The following EEPD1 variants were observed in gnomAD, a reference collection of about 807,000 sequenced individuals.
The protein encoded by EEPD1 is endonuclease/exonuclease/phosphatase family domain containing 1, also known as endonuclease/exonuclease/phosphatase family domain-containing protein 1.
EEPD1 carries 17 observed loss-of-function variants against 46.3 expected under a neutral mutation model. That is an observed-to-expected ratio of 0.37 (90% CI 0.25 to 0.55). EEPD1 has a LOEUF of 0.55. Ranked by LOEUF, EEPD1 falls within the 20% of genes least tolerant of loss-of-function variation. The pLI, the probability that EEPD1 is intolerant of heterozygous loss-of-function variation, is 0.83. For missense variants in EEPD1, 673 were observed against 745.6 expected, an observed-to-expected ratio of 0.90 and a Z score of 1.13; for synonymous variants, 313 against 315.6, an observed-to-expected ratio of 0.99 and a Z score of 0.09.
chr7:36,247,560 T>A (rs1786660517), intron 3 of EEPD1, among the ~76,000 whole-genome samples: 1 of 152,206 alleles, frequency 6.6e-6, no homozygotes, highest in South Asian at 2.1e-4. Flanking sequence ...AACTTCAGAA[T>A]CAAGGGAGAC....
intron 2 of EEPD1, among the ~76,000 whole-genome samples, chr7:36,203,467 A>T (rs1162392820): frequency 6.6e-6 from 1 of 152,204 alleles, no homozygotes; most frequent in East Asian, 1.9e-4. Context: ...CTTCCTCAGG[A>T]TTCCAGTGCA....
At chr7:36,253,725 G>A (rs1786782781) in intron 3 of EEPD1, among the ~76,000 whole-genome samples, 1 of 152,030 alleles carries the variant, frequency 6.6e-6, no homozygotes, top group Admixed American at 6.6e-5. Flanking sequence ...TTTTTTTAAA[G>A]TCTATTTTTC....
At chr7:36,252,670 A>G (rs1583467321) in intron 3 of EEPD1, among the ~76,000 whole-genome samples, 1 of 152,052 alleles carries the variant, frequency 6.6e-6, no homozygotes, top group African/African-American at 2.4e-5. Flanking sequence ...CAAAACAGGG[A>G]GAAATGGAGG....
intron 3 of EEPD1, among the ~76,000 whole-genome samples, chr7:36,247,518 T>TA (rs1368407948): frequency 1.3e-5 from 2 of 152,254 alleles, no homozygotes; most frequent in Non-Finnish European, 2.9e-5. Flanking sequence ...ATTATAAAGA[T>TA]ACATTTACAT....
chr7:36,212,835 CATT>C (rs1785959423), intron 2 of EEPD1, among the ~76,000 whole-genome samples: 1 of 152,114 alleles, frequency 6.6e-6, no homozygotes, highest in Non-Finnish European at 1.5e-5. Context: ...ATTTTATCAT[CATT>C]AACAAAAGTA....
At chr7:36,260,982 T>TCTTCC (rs1786913010) in intron 3 of EEPD1, among the ~76,000 whole-genome samples, 1 of 152,242 alleles carries the variant, frequency 6.6e-6, no homozygotes, top group African/African-American at 2.4e-5. Context: ...TGTGCATAGA[T>TCTTCC]TATAAACAAA....
chr7:36,154,798 C>T lies in EEPD1; in HGVS notation c.474C>T (p.Ala158=). ...TGCGAGGCCTCTCGGAGAAAATGGCCCTCAGCATCGTGGACTTCCGCCGTG... is the reference window on the plus strand; with the variant it reads ...TGCGAGGCCTCTCGGAGAAAATGGCTCTCAGCATCGTGGACTTCCGCCGTG... ...MSVRGLSEKM[A]LSIVDFRREH... is the part of the protein sequence containing the mutation. The change falls in exon 2 of 8, where the codon GCC becomes GCT. Residue 158 remains alanine, a synonymous_variant. Coordinates refer to ENST00000242108, the MANE Select transcript of EEPD1 (RefSeq NM_030636.3). The surrounding 1 kb of genome is among the most constrained non-coding windows in gnomAD (Gnocchi z 4.2). The T allele has an allele frequency of 6.2e-7, 1 of 1,614,160 alleles. No homozygotes were observed. Among genetic ancestry groups the T allele is most frequent in the Non-Finnish European group, 8.5e-7 (1 of 1,180,020 alleles).
At chr7:36,223,863 A>T (rs1006947031) in intron 2 of EEPD1, among the ~76,000 whole-genome samples, 3 of 152,218 alleles carry the variant, frequency 2.0e-5, no homozygotes, top group African/African-American at 7.2e-5. Flanking sequence ...CTGCAAGGAG[A>T]AACTTGCAGA....
intron 3 of EEPD1, among the ~76,000 whole-genome samples, chr7:36,246,776 G>A (rs1583831418): frequency 6.6e-6 from 1 of 152,264 alleles, no homozygotes; most frequent in East Asian, 1.9e-4. Flanking sequence ...ATGTCTTAGA[G>A]TGCTTTACAT....
Position 36,284,738 on chromosome 7 carries a change from G to A in EEPD1, c.1094G>A (p.Arg365Lys). Residue 365 changes from arginine (R) to lysine (K), a missense_variant, in exon 5 of 8, where the codon AGA (arginine) becomes AAA (lysine). By Grantham distance (26) the Arg-to-Lys change is conservative (BLOSUM62 2). Transcript: ENST00000242108. ...LWDAAAGMEL[R>K]DAGSQESSPS... is the part of the protein sequence containing the mutation. ...GACGCGGCTGCCGGCATGGAGCTGA[G>A]AGACGCGGGTTCACAGGAGAGCTCG... 6.2e-7 allele frequency: 1 copy of A among 1,610,216 alleles called. No individual in the cohort carries two copies. The highest frequency in any genetic ancestry group is 8.5e-7 in the Non-Finnish European group (1 of 1,178,140).
chr7:36,165,586 A>AATTAATTTATTTATTTATTTATTT (rs147653968), intron 2 of EEPD1, among the ~76,000 whole-genome samples: 1 of 134,630 alleles, frequency 7.4e-6, no homozygotes, highest in African/African-American at 2.8e-5. Flanking sequence ...CGCCCCAGCT[A>AATTAATTTATTTATTTATTTATTT]ATTTATTTAT....
At chr7:36,204,450 T>C (rs1785775752) in intron 2 of EEPD1, among the ~76,000 whole-genome samples, 1 of 151,538 alleles carries the variant, frequency 6.6e-6, no homozygotes, top group Non-Finnish European at 1.5e-5. Flanking sequence ...GGAGGGACTT[T>C]TGTGTAGGAC....
At chr7:36,205,541 A>G (rs976786452) in intron 2 of EEPD1, among the ~76,000 whole-genome samples, 1 of 152,126 alleles carries the variant, frequency 6.6e-6, no homozygotes, top group Non-Finnish European at 1.5e-5. Context: ...CAAAGGTTTC[A>G]TGTGTTCTTG....
intron 3 of EEPD1, among the ~76,000 whole-genome samples, chr7:36,247,683 C>T (rs1786661855): frequency 6.6e-6 from 1 of 152,174 alleles, no homozygotes; most frequent in South Asian, 2.1e-4. Context: ...AATCCAGGAC[C>T]CATCACAGCA....
chr7:36,237,260 ACACT>A (rs1284501151), intron 2 of EEPD1, among the ~76,000 whole-genome samples: 2 of 152,186 alleles, frequency 1.3e-5, no homozygotes, highest in African/African-American at 4.8e-5. Context: ...AAGAACTGTA[ACACT>A]CACCGCGAGG....
At chr7:36,236,459 A>C (rs1382646809) in intron 2 of EEPD1, among the ~76,000 whole-genome samples, 1 of 152,204 alleles carries the variant, frequency 6.6e-6, no homozygotes, top group Non-Finnish European at 1.5e-5. Flanking sequence ...TGGCCACGAC[A>C]GCCGGTCTCC....
At chr7:36,239,211 A>G (rs1786510529) in intron 3 of EEPD1, among the ~76,000 whole-genome samples, 175 bp downstream of exon 3, 1 of 152,076 alleles carries the variant, frequency 6.6e-6, no homozygotes, top group East Asian at 1.9e-4. Flanking sequence ...CCTTGCTGAC[A>G]TTGTGTTCAC....
chr7:36,276,418 T>A (rs1787183883), intron 3 of EEPD1, among the ~76,000 whole-genome samples: 1 of 152,196 alleles, frequency 6.6e-6, no homozygotes, highest in African/African-American at 2.4e-5. Context: ...TCTGGGAAAC[T>A]GGGATCCCTA....
intron 2 of EEPD1, among the ~76,000 whole-genome samples, chr7:36,211,823 G>T (rs1211755469): frequency 6.6e-6 from 1 of 152,022 alleles, no homozygotes; most frequent in East Asian, 1.9e-4. Context: ...TACTCAGGAG[G>T]CTGAGGCAGG....
Sources: allele counts gnomAD v4.1 joint callset (sites outside exome capture counted in the v4.1 genomes callset), GRCh38; gene constraint gnomAD v4.1.1; non-coding constraint Gnocchi (gnomAD v3.1); transcripts MANE v1.5; gene names NCBI Gene and HGNC (gene_info 2026-07-23, HGNC 2026-07-21).